Variants in SKAP2 observed in about 807,000 individuals in gnomAD.
SKAP2 encodes the protein src kinase associated phosphoprotein 2.
A neutral mutation model predicts 54.9 loss-of-function variants in SKAP2; 28 were observed. The observed-to-expected ratio is 0.51, with a 90% CI of 0.38 to 0.70. The LOEUF (loss-of-function observed/expected upper bound fraction) is 0.70, where lower values mean the gene tolerates loss of function less well. Among genes scored for constraint, SKAP2 ranks in the 30% least tolerant of loss-of-function variants. SKAP2 has a pLI of 0.00. For synonymous variants in SKAP2, 137 were observed against 134.3 expected (o/e 1.02, Z -0.14); for missense variants, 356 against 424.1 (o/e 0.84, Z 1.41).
intron 4 of SKAP2, among the ~76,000 whole-genome samples, chr7:26,841,561 T>C (rs1246622500): frequency 6.6e-6 from 1 of 152,056 alleles, no homozygotes; most frequent in Non-Finnish European, 1.5e-5. Flanking sequence ...TTATGCTGCT[T>C]TCCTACAGTA....
intron 9 of SKAP2, among the ~76,000 whole-genome samples, chr7:26,697,002 T>C (rs747162679): frequency 6.6e-6 from 1 of 152,032 alleles, no homozygotes; most frequent in Non-Finnish European, 1.5e-5. Flanking sequence ...ATATCATGAT[T>C]GGGATGTTGA....
downstream of SKAP2, among the ~76,000 whole-genome samples, chr7:26,663,599 T>G (rs1170399128): frequency 6.6e-6 from 1 of 152,172 alleles, no homozygotes; most frequent in Non-Finnish European, 1.5e-5. Context: ...TACAATGAAG[T>G]TTACTGATGG....
intron 9 of SKAP2, among the ~76,000 whole-genome samples, chr7:26,723,377 C>A (rs1787620595): frequency 6.6e-6 from 1 of 152,070 alleles, no homozygotes; most frequent in Admixed American, 6.6e-5. Context: ...CGGCTTCCTT[C>A]CCGGGGCACA....
intron 11 of SKAP2, among the ~76,000 whole-genome samples, 173 bp from the exon 12 acceptor site, chr7:26,670,365 C>T (rs1018449068): frequency 7.2e-5 from 11 of 151,960 alleles, no homozygotes; most frequent in Admixed American, 2.6e-4. Flanking sequence ...TGTTAGGCAA[C>T]GATTTAAATT....
intron 4 of SKAP2, among the ~76,000 whole-genome samples, chr7:26,786,451 T>C (rs574472073): frequency 2.6e-5 from 4 of 152,162 alleles, no homozygotes; most frequent in African/African-American, 9.6e-5. Context: ...TGGAGAACTA[T>C]TTTAGGAAGG....
intron 3 of SKAP2, among the ~76,000 whole-genome samples, chr7:26,853,643 C>T (rs1171011325): frequency 6.6e-6 from 1 of 152,150 alleles, no homozygotes; most frequent in African/African-American, 2.4e-5. Context: ...AAAACTTTCA[C>T]TTGAAAAAGA....
In SKAP2 at chr7:26,806,514, G is replaced by T. The variant is rs557544705; in HGVS notation, c.307+37516C>A. Reference sequence around the variant, plus strand: ...CCCTTGAGCCTGGGAATTTGAGGCTGCAAAGCAAACAAACAAAGCTAGAAA... The same window carrying T: ...CCCTTGAGCCTGGGAATTTGAGGCTTCAAAGCAAACAAACAAAGCTAGAAA... On this transcript the variant is annotated intron_variant, in intron 4 of 12. Transcript: ENST00000345317. 2.6e-5 allele frequency among the ~76,000 whole-genome samples: 4 copies of T among 152,318 alleles called. 1 individual carries two copies. The South Asian group carries it at 8.3e-4, about 32-fold the overall frequency.
chr7:26,860,655 C>T (rs1224960404), intron 1 of SKAP2, among the ~76,000 whole-genome samples: 1 of 151,450 alleles, frequency 6.6e-6, no homozygotes, highest in Non-Finnish European at 1.5e-5. Context: ...AAAATAAAAC[C>T]AAAATGTTGA....
intron 10 of SKAP2, among the ~76,000 whole-genome samples, chr7:26,689,892 T>A (rs1172807547): frequency 6.6e-6 from 1 of 152,216 alleles, no homozygotes; most frequent in African/African-American, 2.4e-5. Flanking sequence ...AAGCACAAAG[T>A]ATACACAGAT....
At chr7:26,863,965 T>C (rs1271337966) in intron 1 of SKAP2, among the ~76,000 whole-genome samples, 1 of 151,946 alleles carries the variant, frequency 6.6e-6, no homozygotes, top group Non-Finnish European at 1.5e-5. Context: ...ACTACTTATT[T>C]GACTTCTGCT....
At chr7:26,690,227 A>G (rs1786752391) in intron 10 of SKAP2, 58 bp downstream of exon 10, 2 of 1,227,636 alleles carry the variant, frequency 1.6e-6, no homozygotes, top group Non-Finnish European at 2.4e-6. Context: ...GAACATGGAT[A>G]AAATGAAAGT....
chr7:26,672,370 G>C (rs1786261109), intron 11 of SKAP2, among the ~76,000 whole-genome samples: 1 of 151,978 alleles, frequency 6.6e-6, no homozygotes, highest in South Asian at 2.1e-4. Context: ...TGCTATGGTA[G>C]AACAGGAAGA....
chr7:26,767,599 A>C (rs529484540), intron 4 of SKAP2, among the ~76,000 whole-genome samples: 1 of 152,254 alleles, frequency 6.6e-6, no homozygotes, highest in East Asian at 1.9e-4. Flanking sequence ...TGGGCATTTA[A>C]TGCTATAAAT....
At position 26,668,782 on chromosome 7, in the gene SKAP2, T is replaced by C. The variant is rs529495567; in HGVS notation, c.*884A>G. Reference sequence around the variant, plus strand: ...CCTTGTTCAAGCAATTCTCGTGCCTTGGCCTCCCAAGTAGCTGGGACTGCA... The same window carrying C: ...CCTTGTTCAAGCAATTCTCGTGCCTCGGCCTCCCAAGTAGCTGGGACTGCA... On this transcript the variant is annotated 3_prime_UTR_variant, in exon 13 of 13. Transcript: ENST00000345317. 1 of 152,008 alleles carries C rather than the reference T, an allele frequency of 6.6e-6. No individual in the cohort carries two copies. Among genetic ancestry groups the C allele is most frequent in the South Asian group, 2.1e-4 (1 of 4,804 alleles). The allele number at this position is 152,008 out of a possible 1,614,324, so 9.4% of individuals were successfully genotyped here. A position where few individuals can be genotyped will look rare whatever the true frequency, so the allele number is the denominator to read the frequency against.
chr7:26,796,943 G>A (rs1314586673), intron 4 of SKAP2, among the ~76,000 whole-genome samples: 1 of 152,174 alleles, frequency 6.6e-6, no homozygotes, highest in East Asian at 1.9e-4. Flanking sequence ...CCTTTACCAT[G>A]AGCAGAGCAC....
intron 4 of SKAP2, among the ~76,000 whole-genome samples, chr7:26,758,336 T>C (rs1782847114): frequency 6.6e-6 from 1 of 152,200 alleles, no homozygotes; most frequent in Non-Finnish European, 1.5e-5. Flanking sequence ...TCGATTTATA[T>C]TATTAAAATC....
intron 4 of SKAP2, among the ~76,000 whole-genome samples, chr7:26,765,319 ATG>A (rs926684591): frequency 1.3e-5 from 2 of 149,300 alleles, no homozygotes; most frequent in African/African-American, 5.1e-5. Flanking sequence ...CCACTTTTTG[ATG>A]TTTTTTTTTC....
the SKAP2 span, among the ~76,000 whole-genome samples, chr7:26,659,022 T>C: frequency 2.6e-5 from 4 of 152,320 alleles, no homozygotes; most frequent in South Asian, 2.1e-4. Flanking sequence ...GTACCAGTTA[T>C]ATAAGAAATA....
intron 9 of SKAP2, among the ~76,000 whole-genome samples, chr7:26,714,458 A>T (rs1787386358): frequency 6.6e-6 from 1 of 152,246 alleles, no homozygotes; most frequent in Non-Finnish European, 1.5e-5. Flanking sequence ...AAACAAAATT[A>T]AGGTAAAATT....
Sources: gnomAD v4.1 joint callset for allele counts (sites outside exome capture counted in the v4.1 genomes callset) on GRCh38, gnomAD v4.1.1 for gene constraint, MANE v1.5 for transcripts, NCBI Gene and HGNC (gene_info 2026-07-23, HGNC 2026-07-21) for gene names.